ADAM22: variants seen among roughly 807,000 people sequenced by gnomAD.
ADAM22 encodes disintegrin and metalloproteinase domain-containing protein 22.
Under a neutral mutation model 144.6 loss-of-function variants are expected in ADAM22, and 65 were observed. The observed-to-expected ratio is 0.45, with a 90% CI of 0.37 to 0.55. The LOEUF (loss-of-function observed/expected upper bound fraction) is 0.55, where lower values mean the gene tolerates loss of function less well. ADAM22 is among the 20% of genes least tolerant of loss of function. The probability of loss-of-function intolerance (pLI) is 0.00; values close to 1 mark genes in which losing one functional copy is unlikely to be tolerated. For missense variants in ADAM22, 974 were observed against 1,184.9 expected (o/e 0.82, Z 2.61); for synonymous variants, 391 against 412.6 (o/e 0.95, Z 0.63).
chr7:88,081,378 A>C (rs1334009424), intron 4 of ADAM22, among the ~76,000 whole-genome samples: 6 of 152,192 alleles, frequency 3.9e-5, no homozygotes. Context: ...ACCCACAGCC[A>C]ATATCATACT....
chr7:88,184,111 A>G (rs574418550), intron 29 of ADAM22, among the ~76,000 whole-genome samples: 2 of 152,286 alleles, frequency 1.3e-5, no homozygotes, highest in African/African-American at 4.8e-5. Flanking sequence ...AAGATGATGA[A>G]AAATTGGGAC....
intron 3 of ADAM22, among the ~76,000 whole-genome samples, chr7:88,005,789 A>G (rs1793679870): frequency 6.6e-6 from 1 of 152,214 alleles, no homozygotes. Context: ...GATACTTTTA[A>G]GAAAAAAATA....
chr7:88,186,630 G>A lies in ADAM22; in HGVS notation c.2679G>A (p.Trp893Ter), dbSNP rs746682200. ...RSNSTEYLNP[W>*]FKRDYNVAKW... ...CTTTCTGCAGGTATTTAAACCCATGGTTCAAAAGAGACTATAATGTAGCTA... is the reference window on the plus strand; with the variant it reads ...CTTTCTGCAGGTATTTAAACCCATGATTCAAAAGAGACTATAATGTAGCTA... Residue 893 changes from tryptophan to a stop codon, truncating the protein, a stop_gained, in exon 30 of 32, where the codon TGG becomes TGA. Coordinates refer to ENST00000413139, the MANE Select transcript of ADAM22 (RefSeq NM_001324418.2). LOFTEE classifies it high-confidence loss of function. 1 of 1,611,314 alleles carries A rather than the reference G, an allele frequency of 6.2e-7. No individual in the cohort carries two copies. Among genetic ancestry groups the A allele is most frequent in the South Asian group, 1.1e-5 (1 of 91,014 alleles).
intron 5 of ADAM22, among the ~76,000 whole-genome samples, chr7:88,112,251 A>G (rs1247016402): frequency 6.6e-6 from 1 of 152,230 alleles, no homozygotes; most frequent in Non-Finnish European, 1.5e-5. Flanking sequence ...ATGTGGCTGA[A>G]AACAGTGCAG....
At chr7:87,970,801 G>A (rs919306887) in intron 2 of ADAM22, among the ~76,000 whole-genome samples, 3 of 152,160 alleles carry the variant, frequency 2.0e-5, no homozygotes, top group Non-Finnish European at 4.4e-5. Context: ...TCTGGGGATT[G>A]TATCATGTTC....
intron 2 of ADAM22, among the ~76,000 whole-genome samples, chr7:87,950,408 C>G (rs13233691): frequency 0.59 from 84,650 of 143,398 alleles, 26,087 homozygotes; most frequent in African/African-American, 0.78. Flanking sequence ...TTGTTCTTGC[C>G]ATAGTTTACT....
chr7:88,168,304 GT>G, intron 25 of ADAM22, 77 bp downstream of exon 25: 3 of 1,413,454 alleles, frequency 2.1e-6, no homozygotes, highest in Non-Finnish European at 3.0e-6. Context: ...CATCTAGAAA[GT>G]TTTGTATCAT....
chr7:88,081,646 C>T (rs1191740770), intron 4 of ADAM22, among the ~76,000 whole-genome samples: 3 of 147,820 alleles, frequency 2.0e-5, no homozygotes, highest in African/African-American at 7.6e-5. Context: ...AGCAAAGTCT[C>T]AGGATACAAA....
chr7:88,081,131 A>C (rs937700178), intron 4 of ADAM22, among the ~76,000 whole-genome samples: 2 of 152,208 alleles, frequency 1.3e-5, no homozygotes, highest in African/African-American at 4.8e-5. Context: ...ACATCAAAAA[A>C]CTTATCCACC....
intron 3 of ADAM22, among the ~76,000 whole-genome samples, chr7:88,074,339 ATCT>A (rs1813625917): frequency 6.6e-6 from 1 of 152,170 alleles, no homozygotes; most frequent in African/African-American, 2.4e-5. Flanking sequence ...CACATATACA[ATCT>A]TCTTTTTATA....
rs142086993 is a variant in ADAM22 at position 88,121,844 on chromosome 7, C to G, written c.608-3745C>G. ...AATGAGTCACAGAGTCCAGCCTTCT[C>G]TCAAGGGAATGAGATTATACAGTGT... On this transcript the variant is annotated intron_variant, in intron 7 of 31. Coordinates refer to ENST00000413139, the MANE Select transcript of ADAM22 (RefSeq NM_001324418.2). Among the ~76,000 whole-genome samples the G allele has an allele frequency of 2.0e-5, 3 of 152,324 alleles. No homozygotes were observed. In the East Asian group the frequency reaches 5.8e-4, roughly 29 times the overall value.
intron 23 of ADAM22, among the ~76,000 whole-genome samples, chr7:88,165,111 T>C (rs1444831938): frequency 6.6e-6 from 1 of 152,232 alleles, no homozygotes; most frequent in Admixed American, 6.6e-5. Flanking sequence ...ATCTTCAACC[T>C]AACTTAACTC....
intron 30 of ADAM22, among the ~76,000 whole-genome samples, chr7:88,187,006 A>G (rs982706668): frequency 2.0e-5 from 3 of 152,238 alleles, no homozygotes; most frequent in African/African-American, 2.4e-5. Flanking sequence ...GGCATGAAAC[A>G]TACTTTCCAC....
intron 4 of ADAM22, among the ~76,000 whole-genome samples, chr7:88,081,823 C>T (rs1816750663): frequency 1.4e-5 from 2 of 146,554 alleles, no homozygotes; most frequent in African/African-American, 2.6e-5. Flanking sequence ...AACCACTGCT[C>T]AAGGAAATAA....
chr7:88,115,536 G>A (rs2129490025), intron 6 of ADAM22, among the ~76,000 whole-genome samples: 1 of 152,286 alleles, frequency 6.6e-6, no homozygotes, highest in Non-Finnish European at 1.5e-5. Flanking sequence ...GAGAGAGAGA[G>A]AACTCTGGTT....
intron 5 of ADAM22, among the ~76,000 whole-genome samples, chr7:88,114,205 A>G (rs1827144015): frequency 6.6e-6 from 1 of 152,134 alleles, no homozygotes; most frequent in African/African-American, 2.4e-5. Context: ...AGCTTATTTA[A>G]AATGCAATTT....
intron 5 of ADAM22, among the ~76,000 whole-genome samples, chr7:88,109,281 C>T (rs1328373751): frequency 6.6e-6 from 1 of 152,146 alleles, no homozygotes; most frequent in African/African-American, 2.4e-5. Context: ...ATAACCTTCT[C>T]TATCAAATAA....
intron 17 of ADAM22, among the ~76,000 whole-genome samples, chr7:88,148,150 A>T (rs1470817930): frequency 3.9e-5 from 6 of 152,196 alleles, no homozygotes; most frequent in Non-Finnish European, 8.8e-5. Context: ...AGAGAAGATA[A>T]AGCTTATCTA....
intron 3 of ADAM22, among the ~76,000 whole-genome samples, chr7:88,015,965 A>G (rs1395369365): frequency 6.6e-6 from 1 of 151,998 alleles, no homozygotes; most frequent in Non-Finnish European, 1.5e-5. Flanking sequence ...TCTTCATATA[A>G]CAAATGTATA....
Sources: allele counts gnomAD v4.1 joint callset (sites outside exome capture counted in the v4.1 genomes callset), GRCh38; gene constraint gnomAD v4.1.1; transcripts MANE v1.5; gene names NCBI Gene and HGNC (gene_info 2026-07-23, HGNC 2026-07-21).